Variants in PCDHGB4 observed in about 807,000 individuals in gnomAD.
The protein encoded by PCDHGB4 is protocadherin gamma-B4.
A neutral mutation model predicts 60.5 loss-of-function variants in PCDHGB4; 38 were observed. The ratio of observed to expected loss-of-function variants is 0.63; its 90% CI spans 0.48 to 0.82. The LOEUF (loss-of-function observed/expected upper bound fraction) is 0.82. PCDHGB4 is among the 40% of genes least tolerant of loss of function. The pLI is 0.00. For synonymous variants in PCDHGB4, 456 were observed against 509.7 expected (o/e 0.89, Z 1.42); for missense variants, 1,109 against 1,209.6 (o/e 0.92, Z 1.23).
rs2099621975 is a variant in PCDHGB4 at position 141,485,946 on chromosome 5, G to A, written c.2398-8861G>A. ...AGTGTGTTGGAGAGCGCACCAGCGG[G>A]CATGGTGCTCATCCAGCTCAATGCC... On this transcript the variant is annotated intron_variant, in intron 1 of 3. Transcript: ENST00000519479. This position sits in a 1 kb window ranked among gnomAD's most constrained non-coding sequence, Gnocchi z 5.7. The A allele has an allele frequency of 1.2e-6, 2 of 1,614,040 alleles. No homozygotes were observed. The highest frequency in any genetic ancestry group is 2.2e-5 in the East Asian group (1 of 44,884).
At chr5:141,417,997 G>T in intron 1 of PCDHGB4, 1 of 1,613,872 alleles carries the variant, frequency 6.2e-7, no homozygotes, top group Non-Finnish European at 8.5e-7. Context: ...AGGGCTCGGT[G>T]GTGGGGAACC....
At chr5:141,440,382 C>T (rs898655247) in intron 1 of PCDHGB4, 2 of 152,178 alleles carry the variant, frequency 1.3e-5, no homozygotes, top group Non-Finnish European at 2.9e-5. Context: ...AGGAGAATCG[C>T]TTGAACCCGA....
At chr5:141,417,690 A>T in intron 1 of PCDHGB4, 1 of 1,077,126 alleles carries the variant, frequency 9.3e-7, no homozygotes, top group East Asian at 2.6e-5. Context: ...AGAAAAGAAA[A>T]CCAGCTCCCA....
chr5:141,460,576 G>A (rs2098992216), intron 1 of PCDHGB4, among the ~76,000 whole-genome samples: 1 of 152,082 alleles, frequency 6.6e-6, no homozygotes, highest in Non-Finnish European at 1.5e-5. Flanking sequence ...ACATATGTAG[G>A]TGTGGGTTTT....
rs371350905 is a variant in PCDHGB4 at position 141,476,860 on chromosome 5, G to A, written c.2398-17947G>A. The A allele has an allele frequency of 6.7e-5, 108 of 1,613,762 alleles. No individual in the cohort carries two copies. The highest frequency in any genetic ancestry group is 1.6e-4 in the East Asian group (7 of 44,884). ...ATGCGCCTGTCTTCAACCAGTCCTT[G>A]TACCGGGCGCGCGTCCTGGAGGATG... is the stretch of plus-strand genomic sequence containing the variant. On this transcript the variant is annotated intron_variant, in intron 1 of 3. Transcript: ENST00000519479. This position sits in a 1 kb window ranked among gnomAD's most constrained non-coding sequence, Gnocchi z 7.6.
intron 1 of PCDHGB4, chr5:141,427,369 C>T (rs1333238163): frequency 4.4e-6 from 2 of 457,834 alleles, no homozygotes; most frequent in Non-Finnish European, 8.8e-6. Flanking sequence ...GAACCCTGGA[C>T]GGTGATCACT....
At chr5:141,393,968 C>T (rs2092886432) in intron 1 of PCDHGB4, 1 of 1,613,770 alleles carries the variant, frequency 6.2e-7, no homozygotes, top group Non-Finnish European at 8.5e-7. Context: ...TTGTCTGTTA[C>T]ACACGTGATA....
intron 1 of PCDHGB4, among the ~76,000 whole-genome samples, chr5:141,492,341 C>T (rs2099739551): frequency 6.6e-6 from 1 of 152,222 alleles, no homozygotes; most frequent in East Asian, 1.9e-4. Flanking sequence ...CGAATACCAG[C>T]TTTCACTGCC....
chr5:141,401,272 G>A (rs998700154), intron 1 of PCDHGB4, among the ~76,000 whole-genome samples: 1 of 152,172 alleles, frequency 6.6e-6, no homozygotes. Flanking sequence ...AACCTGGCAG[G>A]TGGAGGTTGC....
At chr5:141,510,028 C>A (rs962629835) in intron 3 of PCDHGB4, among the ~76,000 whole-genome samples, 1 of 152,164 alleles carries the variant, frequency 6.6e-6, no homozygotes, top group Non-Finnish European at 1.5e-5. Context: ...GCTGGCTGGG[C>A]TGTTATGTAG....
At chr5:141,422,280 C>A in intron 1 of PCDHGB4, 1 of 1,557,754 alleles carries the variant, frequency 6.4e-7, no homozygotes, top group Non-Finnish European at 8.6e-7. Context: ...TAACTATCAC[C>A]TCTTCTATTA....
intron 1 of PCDHGB4, chr5:141,392,870 G>C: frequency 6.2e-7 from 1 of 1,613,226 alleles, no homozygotes; most frequent in Non-Finnish European, 8.5e-7. Context: ...TGTGCGCGCT[G>C]CTGGGAACGC....
At chr5:141,437,104 T>C (rs539232057) in intron 1 of PCDHGB4, among the ~76,000 whole-genome samples, 1 of 152,338 alleles carries the variant, frequency 6.6e-6, no homozygotes, top group African/African-American at 2.4e-5. Flanking sequence ...GGCTTAGCTT[T>C]AGGATTTTTA....
intron 1 of PCDHGB4, among the ~76,000 whole-genome samples, chr5:141,474,263 A>C (rs964712807): frequency 6.6e-6 from 1 of 152,188 alleles, no homozygotes; most frequent in Non-Finnish European, 1.5e-5. Context: ...CTGATAAACC[A>C]GTGTATCTCT....
rs1594666821 is a variant in PCDHGB4, at chr5:141,487,316, T to C, written c.2398-7491T>C. 6.2e-7 allele frequency: 1 copy of C among 1,614,164 alleles called. No individual in the cohort carries two copies. Among genetic ancestry groups the C allele is most frequent in the South Asian group, 1.1e-5 (1 of 91,080 alleles). On this transcript the variant is annotated intron_variant, in intron 1 of 3. Coordinates refer to ENST00000519479, the MANE Select transcript of PCDHGB4 (RefSeq NM_003736.4). This position sits in a 1 kb window ranked among gnomAD's most constrained non-coding sequence, Gnocchi z 5.0. ...CTCATTCGTGGCACTACTCTCTAAG[T>C]GTCTTCGTGGGGCAGCCTGTGGAGT... is the stretch of plus-strand genomic sequence containing the variant.
Position 141,431,103 on chromosome 5 carries a change from A to C in PCDHGB4, c.2397+40822A>C, listed in dbSNP as rs769542343. On this transcript the variant is annotated intron_variant, in intron 1 of 3. Coordinates refer to ENST00000519479, the MANE Select transcript of PCDHGB4 (RefSeq NM_003736.4). This position sits in a 1 kb window ranked among gnomAD's most constrained non-coding sequence, Gnocchi z 4.8. ...GACATTCTGATGGAGGATAAAGTGA[A>C]AATATATGGAGTAGAAGTAGAAGTA... 6.2e-7 allele frequency: 1 copy of C among 1,614,246 alleles called. No individual in the cohort carries two copies.
Position 141,485,094 on chromosome 5 carries a change from C to A in PCDHGB4, c.2398-9713C>A. ...GGCGCGGGGAAAGGGAGATAGGTGT[C>A]TCCAGCTGCTGTGGCTGTTTGGGGC... On this transcript the variant is annotated intron_variant, in intron 1 of 3. Coordinates refer to ENST00000519479, the MANE Select transcript of PCDHGB4 (RefSeq NM_003736.4). The surrounding 1 kb of genome is among the most constrained non-coding windows in gnomAD (Gnocchi z 5.7). 9.1e-7 allele frequency: 1 copy of A among 1,100,766 alleles called. No individual in the cohort carries two copies. Among genetic ancestry groups the A allele is most frequent in the Non-Finnish European group, 1.4e-6 (1 of 736,922 alleles). The allele number at this position is 1,100,766 out of a possible 1,614,324, so 68.2% of individuals were successfully genotyped here. A position where few individuals can be genotyped will look rare whatever the true frequency, so the allele number is the denominator to read the frequency against.
At chr5:141,506,735 G>A (rs1467217136) in intron 3 of PCDHGB4, among the ~76,000 whole-genome samples, 1 of 152,098 alleles carries the variant, frequency 6.6e-6, no homozygotes, top group Non-Finnish European at 1.5e-5. Context: ...TTAGAATAAT[G>A]CCTATTAATA....
chr5:141,415,654 A>ATTGGT, intron 1 of PCDHGB4: 1 of 1,573,242 alleles, frequency 6.4e-7, no homozygotes, highest in Non-Finnish European at 8.6e-7. Flanking sequence ...AAAAAAAAAG[A>ATTGGT]TTGGTTTTTA....
Sources: allele counts gnomAD v4.1 joint callset (sites outside exome capture counted in the v4.1 genomes callset), GRCh38; gene constraint gnomAD v4.1.1; non-coding constraint Gnocchi (gnomAD v3.1); transcripts MANE v1.5; gene names NCBI Gene and HGNC (gene_info 2026-07-23, HGNC 2026-07-21).